Variants in COMMD1 observed in about 807,000 individuals in gnomAD.
The protein encoded by COMMD1 is copper metabolism domain containing 1.
COMMD1 carries 10 observed loss-of-function variants against 17.2 expected under a neutral mutation model. That is an observed-to-expected ratio of 0.58 (90% CI 0.36 to 0.99). The LOEUF (loss-of-function observed/expected upper bound fraction) is 0.99, where lower values mean the gene tolerates loss of function less well. COMMD1 is among the 50% of genes least tolerant of loss of function. COMMD1 has a pLI of 0.01. For missense variants in COMMD1, 270 were observed against 231.8 expected, an observed-to-expected ratio of 1.17 and a Z score of -1.07; for synonymous variants, 97 against 91.6, an observed-to-expected ratio of 1.06 and a Z score of -0.34.
At position 62,130,083 on chromosome 2, in the gene COMMD1, G is replaced by A. The variant is rs147342941; in HGVS notation, c.463-5748G>A. ...CCAGCTATTCAGGAGGCTGAGGCAG[G>A]AGAACGGCGTGAACCCGGGAGGCGG... On this transcript the variant is annotated intron_variant, in intron 2 of 2. Transcript: ENST00000311832. 0.011 allele frequency among the ~76,000 whole-genome samples: 1,592 copies of A among 151,404 alleles called. 116 individuals are homozygous for A. The East Asian group carries it at 0.16, about 15-fold the overall frequency.
intron 1 of COMMD1, among the ~76,000 whole-genome samples, chr2:61,930,617 TTGTGTGTGTGTG>T (rs59488185): frequency 5.1e-4 from 74 of 146,166 alleles, no homozygotes; most frequent in Non-Finnish European, 7.4e-4. Flanking sequence ...CCACAGGGTT[TTGTGTGTGTGTG>T]TGTGTGTGTG....
rs939523583 is a variant in COMMD1, at chr2:62,048,246, G to A, written c.462+47264G>A. Among the ~76,000 whole-genome samples the A allele has an allele frequency of 1.8e-4, 27 of 148,928 alleles. 1 individual carries two copies. The highest frequency in any genetic ancestry group is 1.8e-3 in the Admixed American group (26 of 14,818). On this transcript the variant is annotated intron_variant, in intron 2 of 2. Transcript: ENST00000311832. ...CGCCCAGGCTGGAGTGCAGTGGCGC[G>A]ATCTCGGCTCACTGCAACCTCCGCC...
At chr2:62,083,379 G>A (rs988353237) in intron 2 of COMMD1, among the ~76,000 whole-genome samples, 7 of 152,156 alleles carry the variant, frequency 4.6e-5, no homozygotes, top group East Asian at 3.9e-4. Flanking sequence ...CACAGATTAC[G>A]TGAAAATGAA....
At chr2:62,069,537 T>A (rs1479274287) in intron 2 of COMMD1, 1 of 152,110 alleles carries the variant, frequency 6.6e-6, no homozygotes, top group East Asian at 1.9e-4. Flanking sequence ...AGGATATTAA[T>A]TGAAGGGGAC....
intron 2 of COMMD1, among the ~76,000 whole-genome samples, chr2:62,104,651 A>C (rs1164274656): frequency 6.6e-6 from 1 of 151,504 alleles, no homozygotes; most frequent in African/African-American, 2.4e-5. Context: ...AAAAAAAAAA[A>C]AAACAATAAC....
intron 1 of COMMD1, among the ~76,000 whole-genome samples, chr2:61,990,911 C>CAG (rs1256691530): frequency 1.4e-5 from 2 of 147,852 alleles, no homozygotes; most frequent in Non-Finnish European, 3.0e-5. Context: ...TATACACACA[C>CAG]ACACACACAC....
chr2:61,982,893 C>A (rs181045659), intron 1 of COMMD1, among the ~76,000 whole-genome samples: 1 of 152,240 alleles, frequency 6.6e-6, no homozygotes, highest in Admixed American at 6.5e-5. Context: ...GATGAATGAT[C>A]TTAACATATT....
chr2:61,993,383 G>T (rs958477655), intron 1 of COMMD1, among the ~76,000 whole-genome samples: 1 of 152,152 alleles, frequency 6.6e-6, no homozygotes, highest in Non-Finnish European at 1.5e-5. Context: ...AGAGGCATTT[G>T]TTTTTAACAC....
chr2:62,037,075 C>T (rs1231881775), intron 2 of COMMD1, among the ~76,000 whole-genome samples: 1 of 152,274 alleles, frequency 6.6e-6, no homozygotes, highest in East Asian at 1.9e-4. Context: ...ATGCTCTTTA[C>T]CATTTGCATT....
chr2:62,023,352 GTTAAAC>G (rs773796132), intron 2 of COMMD1, among the ~76,000 whole-genome samples: 17 of 152,062 alleles, frequency 1.1e-4, no homozygotes, highest in Non-Finnish European at 1.5e-4. Context: ...GTAAACATTT[GTTAAAC>G]TTAAATCCAA....
intron 2 of COMMD1, among the ~76,000 whole-genome samples, chr2:62,101,985 C>T (rs890586092): frequency 1.3e-5 from 2 of 152,176 alleles, no homozygotes; most frequent in East Asian, 1.9e-4. Context: ...ATTTCTAACA[C>T]TCAAATCATG....
chr2:62,118,201 G>A (rs936728413), intron 2 of COMMD1: 3 of 152,126 alleles, frequency 2.0e-5, no homozygotes, highest in Non-Finnish European at 4.4e-5. Context: ...GGCAAATTCT[G>A]TCATTTTTAC....
At chr2:62,065,910 AAAGAAAAAT>A (rs1671025344) in intron 2 of COMMD1, among the ~76,000 whole-genome samples, 1 of 152,212 alleles carries the variant, frequency 6.6e-6, no homozygotes, top group Non-Finnish European at 1.5e-5. Context: ...GAAAGCTATG[AAAGAAAAAT>A]AAGAGAAAAA....
At chr2:62,126,894 G>C (rs1213150685) in intron 2 of COMMD1, among the ~76,000 whole-genome samples, 1 of 152,184 alleles carries the variant, frequency 6.6e-6, no homozygotes, top group Non-Finnish European at 1.5e-5. Flanking sequence ...GCAGGCAAGA[G>C]AAAGAAATAA....
At chr2:61,956,325 C>A (rs7569442) in intron 1 of COMMD1, among the ~76,000 whole-genome samples, 94,227 of 152,084 alleles carry the variant, frequency 0.62, 30,566 homozygotes, top group Middle Eastern at 0.74. Context: ...CTGTATCAGA[C>A]AACTTGGTTA....
intron 2 of COMMD1, among the ~76,000 whole-genome samples, chr2:62,094,654 A>G (rs2104006223): frequency 6.6e-6 from 1 of 152,334 alleles, no homozygotes; most frequent in Non-Finnish European, 1.5e-5. Context: ...TACCTTAGGA[A>G]AGGGAAGGGG....
At chr2:62,065,070 C>T (rs1387143432) in intron 2 of COMMD1, among the ~76,000 whole-genome samples, 1 of 152,080 alleles carries the variant, frequency 6.6e-6, no homozygotes, top group Non-Finnish European at 1.5e-5. Context: ...TGTGGGATTA[C>T]AGGTGCTGAG....
At chr2:62,008,351 C>G (rs1669182258) in intron 2 of COMMD1, among the ~76,000 whole-genome samples, 1 of 149,590 alleles carries the variant, frequency 6.7e-6, no homozygotes, top group South Asian at 2.1e-4. Flanking sequence ...TTCATACACA[C>G]ACACAGACAG....
intron 2 of COMMD1, among the ~76,000 whole-genome samples, chr2:62,105,052 G>T (rs1024259871): frequency 6.6e-6 from 1 of 151,608 alleles, no homozygotes; most frequent in African/African-American, 2.4e-5. Flanking sequence ...TTGAACCTGG[G>T]AGGTGGAGGT....
Sources: gnomAD v4.1 joint callset for allele counts (sites outside exome capture counted in the v4.1 genomes callset) on GRCh38, gnomAD v4.1.1 for gene constraint, MANE v1.5 for transcripts, NCBI Gene and HGNC (gene_info 2026-07-23, HGNC 2026-07-21) for gene names.